LINGO2: variants seen among roughly 807,000 people sequenced by gnomAD.
LINGO2 encodes the protein leucine rich repeat and Ig domain containing 2.
A neutral mutation model predicts 30.6 loss-of-function variants in LINGO2; 14 were observed. The observed-to-expected ratio is 0.46, with a 90% CI of 0.30 to 0.72. The LOEUF is 0.72. Among genes scored for constraint, LINGO2 ranks in the 30% least tolerant of loss-of-function variants. LINGO2 has a pLI of 0.07. For synonymous variants in LINGO2, 317 were observed against 288.5 expected, an observed-to-expected ratio of 1.10 and a Z score of -1.00; for missense variants, 729 against 751.7, an observed-to-expected ratio of 0.97 and a Z score of 0.35.
chr9:27,984,686 G>A (rs1019224740), intron 5 of LINGO2, among the ~76,000 whole-genome samples: 6 of 151,776 alleles, frequency 4.0e-5, no homozygotes, highest in Non-Finnish European at 7.4e-5. Context: ...GGTCATAGCT[G>A]GCTCTTGATC....
chr9:28,865,000 C>G, the LINGO2 span, among the ~76,000 whole-genome samples: 44 of 152,054 alleles, frequency 2.9e-4, no homozygotes, highest in Non-Finnish European at 3.8e-4. Context: ...CCACTTAATT[C>G]AGTGCTAAGA....
intron 1 of LINGO2, among the ~76,000 whole-genome samples, chr9:28,605,338 C>T (rs900007042): frequency 2.0e-5 from 3 of 151,738 alleles, no homozygotes; most frequent in Non-Finnish European, 4.4e-5. Flanking sequence ...TCTGTTGTTT[C>T]ACTTTATTTC....
chr9:28,814,886 G>T, the LINGO2 span, among the ~76,000 whole-genome samples: 1 of 152,186 alleles, frequency 6.6e-6, no homozygotes, highest in East Asian at 1.9e-4. Flanking sequence ...CACTCAGGAA[G>T]AATCCATAAA....
intron 4 of LINGO2, among the ~76,000 whole-genome samples, chr9:28,267,933 G>A (rs763376108): frequency 2.6e-5 from 4 of 151,938 alleles, no homozygotes; most frequent in Admixed American, 6.6e-5. Flanking sequence ...TTTTCTCATC[G>A]ATAAAATGGG....
chr9:28,605,042 C>G (rs1825642340), intron 1 of LINGO2, among the ~76,000 whole-genome samples: 2 of 151,924 alleles, frequency 1.3e-5, no homozygotes, highest in Admixed American at 1.3e-4. Context: ...AAGCCAAGTT[C>G]TTAGCCACTA....
chr9:28,756,067 G>A, the LINGO2 span, among the ~76,000 whole-genome samples: 2 of 152,040 alleles, frequency 1.3e-5, no homozygotes, highest in African/African-American at 4.8e-5. Context: ...CTCATTTGGA[G>A]ATGTGAGATG....
At chr9:29,132,487 C>G in the LINGO2 span, among the ~76,000 whole-genome samples, 1 of 152,144 alleles carries the variant, frequency 6.6e-6, no homozygotes, top group Non-Finnish European at 1.5e-5. Flanking sequence ...TGAGACTGGT[C>G]ACAGGTCACT....
intron 4 of LINGO2, among the ~76,000 whole-genome samples, chr9:28,183,399 T>C (rs1819428538): frequency 6.6e-6 from 1 of 151,952 alleles, no homozygotes; most frequent in Admixed American, 6.6e-5. Flanking sequence ...TACCTGCACA[T>C]TATGCACGTT....
the LINGO2 span, among the ~76,000 whole-genome samples, chr9:28,719,832 T>A: frequency 6.6e-6 from 1 of 152,066 alleles, no homozygotes; most frequent in Non-Finnish European, 1.5e-5. Flanking sequence ...TAAAATGAAC[T>A]GCCATTTCCT....
chr9:28,368,589 C>T (rs1319021935), intron 3 of LINGO2, among the ~76,000 whole-genome samples: 5 of 95,086 alleles, frequency 5.3e-5, no homozygotes, highest in Non-Finnish European at 8.3e-5. Context: ...CTCTTCTTTT[C>T]TTTTCTTTTT....
chr9:28,435,165 A>G (rs1823873326), intron 2 of LINGO2, among the ~76,000 whole-genome samples: 1 of 152,164 alleles, frequency 6.6e-6, no homozygotes, highest in African/African-American at 2.4e-5. Context: ...AAATAATTAA[A>G]TAATATAGAC....
chr9:28,881,279 A>G, the LINGO2 span, among the ~76,000 whole-genome samples: 2 of 151,996 alleles, frequency 1.3e-5, no homozygotes, highest in African/African-American at 2.4e-5. Flanking sequence ...ATGTCACACC[A>G]CGCCTGGCTA....
rs73644076 is a variant in LINGO2 at position 28,579,483 on chromosome 9, A to G, written c.-365+90717T>C. Among the ~76,000 whole-genome samples, 1,522 of 152,210 alleles carry G rather than the reference A, an allele frequency of 1.0e-2. 28 individuals carry two copies. The highest frequency in any genetic ancestry group is 0.032 in the African/African-American group (1,347 of 41,534). On this transcript the variant is annotated intron_variant, in intron 1 of 5. Coordinates refer to ENST00000379992, the Ensembl canonical transcript of LINGO2. ...AAATAAATTTCTGAAAATAATAAAA[A>G]ACATATAAAAGTCAAATTTGAGCAG... is the stretch of plus-strand genomic sequence containing the variant.
chr9:28,305,919 T>C (rs904679909), intron 3 of LINGO2, among the ~76,000 whole-genome samples: 1 of 152,122 alleles, frequency 6.6e-6, no homozygotes, highest in African/African-American at 2.4e-5. Context: ...CATTCCAGTT[T>C]GTGAGCTTTG....
the LINGO2 span, among the ~76,000 whole-genome samples, chr9:29,191,141 C>T: frequency 6.6e-6 from 1 of 152,170 alleles, no homozygotes; most frequent in Non-Finnish European, 1.5e-5. Flanking sequence ...GGATCACATT[C>T]TTAGTCAATA....
chr9:29,049,100 G>T, the LINGO2 span, among the ~76,000 whole-genome samples: 1 of 151,992 alleles, frequency 6.6e-6, no homozygotes, highest in Non-Finnish European at 1.5e-5. Context: ...AATATACAAG[G>T]AGTTTAAAAA....
At chr9:28,752,665 A>G in the LINGO2 span, among the ~76,000 whole-genome samples, 1 of 152,040 alleles carries the variant, frequency 6.6e-6, no homozygotes, top group Non-Finnish European at 1.5e-5. Context: ...CAAGTTCACT[A>G]TAGTAGATTC....
intron 1 of LINGO2, among the ~76,000 whole-genome samples, chr9:28,618,257 T>A (rs1443550371): frequency 6.6e-6 from 1 of 152,164 alleles, no homozygotes; most frequent in South Asian, 2.1e-4. Context: ...AGAGGCGGCA[T>A]CACCACATAT....
chr9:28,626,546 G>C (rs1587981285), intron 1 of LINGO2, among the ~76,000 whole-genome samples: 1 of 151,896 alleles, frequency 6.6e-6, no homozygotes, highest in Admixed American at 6.6e-5. Flanking sequence ...AAAGTTTGAG[G>C]TTCATTCTTT....
Sources: allele counts gnomAD v4.1 joint callset (sites outside exome capture counted in the v4.1 genomes callset), GRCh38; gene constraint gnomAD v4.1.1; transcripts MANE v1.5; gene names NCBI Gene and HGNC (gene_info 2026-07-23, HGNC 2026-07-21).